Variants in RANBP2 observed in about 807,000 individuals in gnomAD.
RANBP2 encodes RAN binding protein 2.
RANBP2 carries 57 observed loss-of-function variants against 303.6 expected under a neutral mutation model. The observed-to-expected ratio is 0.19, with a 90% CI of 0.15 to 0.23. The LOEUF (loss-of-function observed/expected upper bound fraction) is 0.23. Among genes scored for constraint, RANBP2 ranks in the 10% least tolerant of loss-of-function variants. The pLI is 1.00. For synonymous variants in RANBP2, 1,167 were observed against 1,301.5 expected (o/e 0.90, Z 2.23); for missense variants, 3,138 against 3,780.8 (o/e 0.83, Z 4.46).
At chr2:108,915,941 G>A in the RANBP2 span, among the ~76,000 whole-genome samples, 1 of 152,088 alleles carries the variant, frequency 6.6e-6, no homozygotes, top group Non-Finnish European at 1.5e-5. Context: ...AAGAGCTGGT[G>A]GAGAAGTGCG....
the RANBP2 span, among the ~76,000 whole-genome samples, chr2:109,468,855 GAAAA>G: frequency 3.1e-5 from 2 of 64,860 alleles, no homozygotes; most frequent in Non-Finnish European, 3.2e-5. Flanking sequence ...CTCTGTCTCA[GAAAA>G]AAAAAAAAAA....
chr2:108,824,245 T>C, the RANBP2 span, among the ~76,000 whole-genome samples: 1 of 152,204 alleles, frequency 6.6e-6, no homozygotes, highest in African/African-American at 2.4e-5. Flanking sequence ...TTTTTTTAAC[T>C]TTTTGACTCT....
At position 108,755,106 on chromosome 2, in the gene RANBP2, C is replaced by G. The variant is rs765695150; in HGVS notation, c.2382+22C>G. 5 of 1,611,802 alleles carry G rather than the reference C, an allele frequency of 3.1e-6. No homozygotes were observed. In the African/African-American group the frequency reaches 6.7e-5, roughly 22 times the overall value. On this transcript the variant is annotated intron_variant, in intron 16 of 28. Coordinates refer to ENST00000283195, the MANE Select transcript of RANBP2 (RefSeq NM_006267.5). ...CAAGGTAAACAGGAAAGAATGGAAT[C>G]ATTTCATTGTGAAATTGTTTCTGTT...
At chr2:108,889,765 G>T in the RANBP2 span, among the ~76,000 whole-genome samples, 1 of 152,082 alleles carries the variant, frequency 6.6e-6, no homozygotes, top group African/African-American at 2.4e-5. Context: ...TTTAAGTGGA[G>T]AATTAAATCT....
the RANBP2 span, among the ~76,000 whole-genome samples, chr2:109,761,392 C>T: frequency 6.6e-6 from 1 of 150,934 alleles, no homozygotes; most frequent in Non-Finnish European, 1.5e-5. Context: ...CACAGTTCCT[C>T]TGGGCCCTTT....
chr2:109,723,720 C>G, the RANBP2 span, among the ~76,000 whole-genome samples: 460 of 152,216 alleles, frequency 3.0e-3, 1 homozygote, highest in African/African-American at 0.01. Flanking sequence ...TATAGGTTGT[C>G]TGTTCACTCT....
At chr2:109,609,565 G>A in the RANBP2 span, among the ~76,000 whole-genome samples, 1 of 148,230 alleles carries the variant, frequency 6.7e-6, no homozygotes, top group Non-Finnish European at 1.5e-5. Flanking sequence ...TTTCACTGCC[G>A]AGATCGCGCC....
At chr2:109,480,181 G>A in the RANBP2 span, among the ~76,000 whole-genome samples, 1 of 152,216 alleles carries the variant, frequency 6.6e-6, no homozygotes, top group Admixed American at 6.5e-5. Context: ...AGAAAAGAAG[G>A]CGTTGTGCCC....
At chr2:109,556,584 C>A in the RANBP2 span, among the ~76,000 whole-genome samples, 1 of 151,990 alleles carries the variant, frequency 6.6e-6, no homozygotes, top group African/African-American at 2.4e-5. Context: ...GTGCAAAATA[C>A]CCTAGACATC....
At chr2:109,606,004 G>A in the RANBP2 span, among the ~76,000 whole-genome samples, 1 of 152,222 alleles carries the variant, frequency 6.6e-6, no homozygotes, top group Non-Finnish European at 1.5e-5. Flanking sequence ...CTGGGGCAAG[G>A]AGGTACAAAG....
chr2:109,737,084 G>T, the RANBP2 span: 3 of 1,136,218 alleles, frequency 2.6e-6, no homozygotes, highest in Non-Finnish European at 3.5e-6. Context: ...CACCATTTTG[G>T]TTCCCAAGTT....
At chr2:109,389,984 C>T in the RANBP2 span, among the ~76,000 whole-genome samples, 4 of 152,112 alleles carry the variant, frequency 2.6e-5, no homozygotes, top group South Asian at 4.2e-4. Context: ...CTAAGATCTG[C>T]GATTTCTAAG....
intron 4 of RANBP2, among the ~76,000 whole-genome samples, chr2:108,734,929 TGC>T (rs907726980): frequency 2.2e-4 from 34 of 152,256 alleles, no homozygotes; most frequent in Non-Finnish European, 4.4e-4. Context: ...CGGTGGTGCA[TGC>T]CTGTGGTCCT....
At chr2:109,212,571 G>C in the RANBP2 span, among the ~76,000 whole-genome samples, 1 of 152,200 alleles carries the variant, frequency 6.6e-6, no homozygotes, top group Non-Finnish European at 1.5e-5. Context: ...GGAGTGGCTT[G>C]AGGAGAAGTC....
the RANBP2 span, among the ~76,000 whole-genome samples, chr2:109,534,532 C>G: frequency 2.0e-5 from 3 of 152,228 alleles, no homozygotes; most frequent in African/African-American, 7.2e-5. Flanking sequence ...GTAATCCCAG[C>G]ACTTTGGGAG....
the RANBP2 span, among the ~76,000 whole-genome samples, chr2:108,947,849 A>T: frequency 6.6e-6 from 1 of 152,178 alleles, no homozygotes; most frequent in Non-Finnish European, 1.5e-5. Flanking sequence ...GACTATTAAC[A>T]TTCAACTCCT....
chr2:109,482,251 A>C, the RANBP2 span, among the ~76,000 whole-genome samples: 3 of 152,220 alleles, frequency 2.0e-5, no homozygotes, highest in African/African-American at 4.8e-5. Context: ...CCCGGCTCAT[A>C]GTCAGCTCTC....
chr2:109,297,229 T>C, the RANBP2 span, among the ~76,000 whole-genome samples: 1 of 152,016 alleles, frequency 6.6e-6, no homozygotes, highest in Non-Finnish European at 1.5e-5. Context: ...TTCAGCTGTT[T>C]TTCATTGACA....
chr2:108,973,280 A>C, the RANBP2 span, among the ~76,000 whole-genome samples: 1 of 151,736 alleles, frequency 6.6e-6, no homozygotes, highest in Admixed American at 6.6e-5. Context: ...GAGCCACCGC[A>C]CCTGGCCTCA....
Sources: allele counts gnomAD v4.1 joint callset (sites outside exome capture counted in the v4.1 genomes callset), GRCh38; gene constraint gnomAD v4.1.1; transcripts MANE v1.5; gene names NCBI Gene and HGNC (gene_info 2026-07-23, HGNC 2026-07-21).